ZMAT4: variants seen among roughly 807,000 people sequenced by gnomAD.
The protein encoded by ZMAT4 is zinc finger matrin-type 4.
Under a neutral mutation model 28.7 loss-of-function variants are expected in ZMAT4, and 17 were observed. That is an observed-to-expected ratio of 0.59 (90% confidence interval 0.41 to 0.89). The LOEUF (loss-of-function observed/expected upper bound fraction) is 0.89. ZMAT4 is among the 40% of genes least tolerant of loss of function. The pLI, the probability that ZMAT4 is intolerant of heterozygous loss-of-function variation, is 0.00. For synonymous variants in ZMAT4, 117 were observed against 109.2 expected, an observed-to-expected ratio of 1.07 and a Z score of -0.44; for missense variants, 240 against 283.8, an observed-to-expected ratio of 0.85 and a Z score of 1.11.
rs183397739 is a variant in ZMAT4, at chr8:40,808,602, C to T, written c.102+16973G>A. ...AAAAAAAAAAAAGTGCTGAGCTTCA[C>T]TCAATAAATGGAGGTAGGTGTGAGC... On this transcript the variant is annotated intron_variant, in intron 2 of 6. Transcript: ENST00000297737. 1,626 of 454,676 alleles carry T rather than the reference C, an allele frequency of 3.6e-3. 6 individuals carry two copies. Among genetic ancestry groups the T allele is most frequent in the African/African-American group, 7.2e-3 (359 of 49,864 alleles). The allele number at this position is 454,676 out of a possible 1,614,324, so 28.2% of individuals were successfully genotyped here.
At chr8:40,659,606 C>T (rs1808097439) in intron 5 of ZMAT4, among the ~76,000 whole-genome samples, 1 of 152,078 alleles carries the variant, frequency 6.6e-6, no homozygotes, top group Non-Finnish European at 1.5e-5. Flanking sequence ...TCTGATATTT[C>T]ACGTATTCTG....
At chr8:40,730,457 T>C (rs1811489089) in intron 3 of ZMAT4, among the ~76,000 whole-genome samples, 2 of 152,250 alleles carry the variant, frequency 1.3e-5, no homozygotes, top group African/African-American at 4.8e-5. Flanking sequence ...TTTATAAATG[T>C]GCATGAATGT....
intron 2 of ZMAT4, among the ~76,000 whole-genome samples, chr8:40,810,905 A>ATG (rs1815288754): frequency 6.6e-6 from 1 of 152,224 alleles, no homozygotes; most frequent in Non-Finnish European, 1.5e-5. Context: ...AATCATTTAA[A>ATG]AAGTATGTTT....
chr8:40,847,211 AAAC>A (rs573762650), intron 1 of ZMAT4, among the ~76,000 whole-genome samples: 15,427 of 125,632 alleles, frequency 0.12, 915 homozygotes, highest in Non-Finnish European at 0.14. Context: ...CTAAAAAAAC[AAAC>A]AAACAAAAAA....
chr8:40,644,376 A>G (rs1361190927), intron 5 of ZMAT4, among the ~76,000 whole-genome samples: 2 of 152,076 alleles, frequency 1.3e-5, no homozygotes, highest in African/African-American at 2.4e-5. Context: ...TTGTGCTGGA[A>G]AATAAGGAAG....
At chr8:40,579,083 A>G (rs568539531) in intron 6 of ZMAT4, among the ~76,000 whole-genome samples, 1 of 152,194 alleles carries the variant, frequency 6.6e-6, no homozygotes, top group Non-Finnish European at 1.5e-5. Context: ...TCTCAAGGGT[A>G]GTTAAGGGAA....
chr8:40,600,321 T>G (rs770764738), intron 5 of ZMAT4, among the ~76,000 whole-genome samples: 3 of 152,190 alleles, frequency 2.0e-5, no homozygotes, highest in Non-Finnish European at 4.4e-5. Flanking sequence ...AAGCAAAATA[T>G]CTCTTGCAAT....
At position 40,824,691 on chromosome 8, in the gene ZMAT4, TAAAG is replaced by T. The variant is rs568507173; in HGVS notation, c.102+880_102+883del. 2.1e-4 allele frequency among the ~76,000 whole-genome samples: 13 copies of T among 61,440 alleles called. No individual in the cohort carries two copies. In the East Asian group the frequency reaches 2.3e-3, roughly 11 times the overall value. 40.3% of individuals were successfully genotyped at this position (61,440 alleles called of 152,430 possible). On this transcript the variant is annotated intron_variant, in intron 2 of 6. Coordinates refer to ENST00000297737, the MANE Select transcript of ZMAT4 (RefSeq NM_024645.3). Reference sequence around the variant, plus strand: ...AGGAAAGAAAGAAAGCAAAGAAAAATAAAGAAAGAAAGAAAAGAAAGAATGAAAG... The same window carrying T: ...AGGAAAGAAAGAAAGCAAAGAAAAATAAAGAAAGAAAAGAAAGAATGAAAG...
At chr8:40,532,400 A>C (rs956800317) in intron 6 of ZMAT4, among the ~76,000 whole-genome samples, 162 bp from the exon 7 acceptor site, 3 of 60,662 alleles carry the variant, frequency 4.9e-5, no homozygotes. Context: ...CAGGTTCTAA[A>C]TAACCTGTAT....
chr8:40,809,333 G>A (rs1490863971), intron 2 of ZMAT4, among the ~76,000 whole-genome samples: 1 of 152,274 alleles, frequency 6.6e-6, no homozygotes, highest in African/African-American at 2.4e-5. Flanking sequence ...GAGAAGGAGG[G>A]AGAGGGTCAT....
chr8:40,697,700 C>A (rs1585896180), intron 3 of ZMAT4, among the ~76,000 whole-genome samples: 1 of 151,616 alleles, frequency 6.6e-6, no homozygotes, highest in Non-Finnish European at 1.5e-5. Flanking sequence ...CTAATGCTAT[C>A]CCTCCCCTAG....
chr8:40,871,158 C>T (rs1422941844), intron 1 of ZMAT4, among the ~76,000 whole-genome samples: 1 of 152,186 alleles, frequency 6.6e-6, no homozygotes, highest in Non-Finnish European at 1.5e-5. Context: ...TGCCTTCCTG[C>T]CCCACAGAGA....
chr8:40,731,866 C>T (rs909192105), intron 3 of ZMAT4, among the ~76,000 whole-genome samples: 11 of 152,304 alleles, frequency 7.2e-5, no homozygotes, highest in Admixed American at 2.0e-4. Flanking sequence ...GTGATGTATA[C>T]ATATAATGGA....
chr8:40,767,762 A>C (rs1253280523), intron 2 of ZMAT4, 32 bp from the exon 3 acceptor site: 1 of 1,580,738 alleles, frequency 6.3e-7, no homozygotes, highest in South Asian at 1.2e-5. Flanking sequence ...AGATACTGTA[A>C]AAGATAAGCC....
chr8:40,706,351 G>C (rs1300805642), intron 3 of ZMAT4, among the ~76,000 whole-genome samples: 3 of 152,158 alleles, frequency 2.0e-5, no homozygotes, highest in African/African-American at 7.2e-5. Flanking sequence ...ACTGCGCCCA[G>C]CCAGAACTAA....
intron 1 of ZMAT4, among the ~76,000 whole-genome samples, chr8:40,886,265 C>A (rs1818448906): frequency 6.6e-6 from 1 of 152,234 alleles, no homozygotes; most frequent in Admixed American, 6.5e-5. Context: ...TCAGGGAATG[C>A]CCTGCTGGCA....
At chr8:40,773,891 C>T (rs1427108364) in intron 2 of ZMAT4, among the ~76,000 whole-genome samples, 2 of 151,420 alleles carry the variant, frequency 1.3e-5, no homozygotes, top group African/African-American at 2.4e-5. Context: ...TATGAAAAAA[C>T]AGAACAAATA....
chr8:40,863,226 G>A (rs185897601), intron 1 of ZMAT4, among the ~76,000 whole-genome samples: 16 of 152,210 alleles, frequency 1.1e-4, no homozygotes, highest in Non-Finnish European at 2.2e-4. Flanking sequence ...AAGTAGGGGA[G>A]TGAGGTGATC....
intron 5 of ZMAT4, among the ~76,000 whole-genome samples, chr8:40,621,211 G>T (rs1396625366): frequency 2.6e-5 from 4 of 152,190 alleles, no homozygotes; most frequent in Non-Finnish European, 5.9e-5. Flanking sequence ...ACACAGTGCT[G>T]ATGCAAGTGA....
Sources: allele counts gnomAD v4.1 joint callset (sites outside exome capture counted in the v4.1 genomes callset), GRCh38; gene constraint gnomAD v4.1.1; transcripts MANE v1.5; gene names NCBI Gene and HGNC (gene_info 2026-07-23, HGNC 2026-07-21).